Variants in GPAT4 observed in about 807,000 individuals in gnomAD.
The protein encoded by GPAT4 is 1-AGP acyltransferase 6.
A neutral mutation model predicts 58.0 loss-of-function variants in GPAT4; 17 were observed. The observed-to-expected ratio is 0.29, with a 90% confidence interval of 0.20 to 0.44. GPAT4 has a LOEUF of 0.44. Among genes scored for constraint, GPAT4 ranks in the 20% least tolerant of loss-of-function variants. GPAT4 has a pLI of 1.00. For missense variants in GPAT4, 377 were observed against 574.5 expected (o/e 0.66, Z 3.51); for synonymous variants, 204 against 210.1 (o/e 0.97, Z 0.25).
intron 1 of GPAT4, among the ~76,000 whole-genome samples, chr8:41,583,968 C>T (rs749127928): frequency 3.3e-5 from 5 of 152,176 alleles, no homozygotes; most frequent in Non-Finnish European, 5.9e-5. Flanking sequence ...ACTGTCATGG[C>T]TCACTGCAGC....
intron 2 of GPAT4, among the ~76,000 whole-genome samples, chr8:41,599,988 T>C (rs796180986): frequency 3.3e-5 from 5 of 151,934 alleles, no homozygotes; most frequent in African/African-American, 1.2e-4. Flanking sequence ...AGTGCACTTA[T>C]AGTAGTAAAA....
chr8:41,588,255 C>G (rs184848549), intron 1 of GPAT4, among the ~76,000 whole-genome samples: 57 of 152,270 alleles, frequency 3.7e-4, no homozygotes, highest in Admixed American at 3.2e-3. Context: ...AGTGGCCTTT[C>G]TTTTACCTTT....
At position 41,623,237 on chromosome 8, in the gene GPAT4, G is replaced by C. The variant is rs1283070749; in HGVS notation, c.*2236G>C. The stretch of plus-strand genomic sequence containing the variant: ...CGTGTATGCCTTTTACCATCATCCA[G>C]GCGACTGCTCCATCCTTTTAAATTA... On this transcript the variant is annotated 3_prime_UTR_variant, in exon 13 of 13. Coordinates refer to ENST00000396987, the MANE Select transcript of GPAT4 (RefSeq NM_178819.4). The C allele has an allele frequency of 1.3e-5, 2 of 152,218 alleles. No homozygotes were observed. The highest frequency in any genetic ancestry group is 2.9e-5 in the Non-Finnish European group (2 of 68,064). The allele number at this position is 152,218 out of a possible 1,614,324, so 9.4% of individuals were successfully genotyped here. A position where few individuals can be genotyped will look rare whatever the true frequency, so the allele number is the denominator to read the frequency against.
rs765600184 is a variant in GPAT4 at position 41,599,231 on chromosome 8, T to C, written c.92T>C (p.Ile31Thr). The C allele has an allele frequency of 1.9e-6, 3 of 1,614,144 alleles. No individual in the cohort carries two copies. Among genetic ancestry groups the C allele is most frequent in the Non-Finnish European group, 1.7e-6 (2 of 1,180,010 alleles). ...VLFTLLLVFI[I>T]VPAIFGVSFG... is the part of the protein sequence containing the mutation. ...TTCACCCTCCTTCTCGTTTTCATCATAGTGCCAGCCATTTTTGGAGTCTCC... is the reference window on the plus strand; with the variant it reads ...TTCACCCTCCTTCTCGTTTTCATCACAGTGCCAGCCATTTTTGGAGTCTCC... The change falls in exon 2 of 13, where the codon ATA becomes ACA. Residue 31 changes from isoleucine to threonine, a missense_variant. Transcript: ENST00000396987.
intron 1 of GPAT4, among the ~76,000 whole-genome samples, chr8:41,588,922 T>G (rs921480964): frequency 1.3e-5 from 2 of 152,208 alleles, no homozygotes; most frequent in African/African-American, 4.8e-5. Context: ...CCCTGATGAT[T>G]CTGGGTGAGT....
chr8:41,610,802 A>G lies in GPAT4; in HGVS notation c.603A>G (p.Pro201=), dbSNP rs1416777641. The G allele has an allele frequency of 1.2e-6, 2 of 1,610,886 alleles. No homozygotes were observed. Among genetic ancestry groups the G allele is most frequent in the African/African-American group, 1.3e-5 (1 of 74,868 alleles). The change falls in exon 5 of 13, where the codon CCA becomes CCG. Residue 201 remains proline, a synonymous_variant. Transcript: ENST00000396987. ...GCACAACTGTGGTGGGATACTTGCC[A>G]AATGGGAGGTGAGTAGAGTGTGGCA... ...VVGTTVVGYL[P]NGRFKEFMSK...
At chr8:41,581,395 TC>T (rs1802503957) in intron 1 of GPAT4, among the ~76,000 whole-genome samples, 1 of 152,178 alleles carries the variant, frequency 6.6e-6, no homozygotes, top group Non-Finnish European at 1.5e-5. Context: ...AAACCGAAGA[TC>T]TGCAATAATA....
chr8:41,588,144 T>C (rs1431549802), intron 1 of GPAT4, among the ~76,000 whole-genome samples: 2 of 152,362 alleles, frequency 1.3e-5, no homozygotes, highest in East Asian at 3.9e-4. Flanking sequence ...AATGAAATGA[T>C]AATATATACC....
intron 10 of GPAT4, among the ~76,000 whole-genome samples, chr8:41,615,454 G>C (rs531233256): frequency 2.0e-5 from 3 of 151,780 alleles, no homozygotes; most frequent in East Asian, 1.9e-4. Context: ...TGAGGATTGG[G>C]GGGGGGGTCA....
Position 41,580,420 on chromosome 8 carries a change from T to C in GPAT4, c.-849+2142T>C, listed in dbSNP as rs1180429063. Among the ~76,000 whole-genome samples, 3 of 152,324 alleles carry C rather than the reference T, an allele frequency of 2.0e-5. 1 individual carries two copies. The South Asian group carries it at 6.2e-4, about 32-fold the overall frequency. On this transcript the variant is annotated intron_variant, in intron 1 of 12. Coordinates refer to ENST00000396987, the MANE Select transcript of GPAT4 (RefSeq NM_178819.4). ...GCCATTAATAGGTAAGAATCTGGGC[T>C]TCTTGGACCATGGGTTAGACTTTCT...
In GPAT4 at chr8:41,612,287, C is replaced by G. The variant is rs1803468414; in HGVS notation, c.795+14C>G. 1.2e-6 allele frequency: 2 copies of G among 1,613,864 alleles called. No homozygotes were observed. The highest frequency in any genetic ancestry group is 1.7e-6 in the Non-Finnish European group (2 of 1,179,748). On this transcript the variant is annotated intron_variant, in intron 7 of 12. Transcript: ENST00000396987. ...TATTATGCCATGGTAAGAGCTCTTT[C>G]CGGTGCGTTCTTGAGGCAAGACTTC...
intron 12 of GPAT4, among the ~76,000 whole-genome samples, chr8:41,619,566 A>C (rs919483114): frequency 1.3e-5 from 2 of 152,230 alleles, no homozygotes; most frequent in Non-Finnish European, 2.9e-5. Flanking sequence ...AACAGGTATC[A>C]GCTGGATGTG....
intron 1 of GPAT4, among the ~76,000 whole-genome samples, chr8:41,581,012 G>A (rs1251934669): frequency 6.6e-6 from 1 of 152,188 alleles, no homozygotes; most frequent in East Asian, 1.9e-4. Flanking sequence ...TTTGGCCCTG[G>A]TTAAACATGA....
chr8:41,584,020 C>A (rs1388727949), intron 1 of GPAT4, among the ~76,000 whole-genome samples: 1 of 152,128 alleles, frequency 6.6e-6, no homozygotes, highest in Non-Finnish European at 1.5e-5. Flanking sequence ...CCTAAGCCTC[C>A]CAAATAGCTG....
At chr8:41,601,091 ATTTG>A (rs1803081195) in intron 2 of GPAT4, among the ~76,000 whole-genome samples, 1 of 151,770 alleles carries the variant, frequency 6.6e-6, no homozygotes, top group Non-Finnish European at 1.5e-5. Flanking sequence ...GTGTACGTGC[ATTTG>A]TTTGAGTACC....
intron 1 of GPAT4, among the ~76,000 whole-genome samples, chr8:41,590,230 G>A (rs1461696280): frequency 2.6e-5 from 4 of 152,098 alleles, no homozygotes; most frequent in African/African-American, 7.2e-5. Flanking sequence ...GAGATTACAG[G>A]CATGCGCCAT....
intron 2 of GPAT4, among the ~76,000 whole-genome samples, chr8:41,608,825 T>G (rs1803356179): frequency 6.6e-6 from 1 of 152,194 alleles, no homozygotes; most frequent in African/African-American, 2.4e-5. Flanking sequence ...CTGGGTTTTT[T>G]TTTTTCGGTC....
chr8:41,616,002 T>A (rs946907975), intron 10 of GPAT4, among the ~76,000 whole-genome samples: 1 of 152,210 alleles, frequency 6.6e-6, no homozygotes, highest in Non-Finnish European at 1.5e-5. Context: ...CAGGGGACTC[T>A]GATTGACAGG....
Position 41,609,659 on chromosome 8 carries a change from C to G in GPAT4, c.240C>G (p.Ile80Met). The change falls in exon 4 of 13, where the codon ATC becomes ATG. Residue 80 changes from isoleucine to methionine, a missense_variant. Coordinates refer to ENST00000396987, the MANE Select transcript of GPAT4 (RefSeq NM_178819.4). ...HQLYKPYTNGIIAKDPTSLEE... is the reference protein window; with the variant it reads ...HQLYKPYTNGMIAKDPTSLEE... ...CAGGGACACATTCTTTTGCAGGAAT[C>G]ATTGCAAAGGATCCCACTTCACTAG... The G allele has an allele frequency of 6.2e-7, 1 of 1,610,718 alleles. No individual in the cohort carries two copies. The highest frequency in any genetic ancestry group is 8.5e-7 in the Non-Finnish European group (1 of 1,177,712).
Sources: gnomAD v4.1 joint callset for allele counts (sites outside exome capture counted in the v4.1 genomes callset) on GRCh38, gnomAD v4.1.1 for gene constraint, MANE v1.5 for transcripts, NCBI Gene and HGNC (gene_info 2026-07-23, HGNC 2026-07-21) for gene names.